OPHN1: variants seen among roughly 807,000 people sequenced by gnomAD.
The protein encoded by OPHN1 is oligophrenin-1.
A neutral mutation model predicts 60.7 loss-of-function variants in OPHN1; 11 were observed. The ratio of observed to expected loss-of-function variants is 0.18; its 90% CI spans 0.11 to 0.30. The LOEUF (loss-of-function observed/expected upper bound fraction) is 0.30. Among genes scored for constraint, OPHN1 ranks in the 10% least tolerant of loss-of-function variants. The probability of loss-of-function intolerance (pLI) is 1.00; values close to 1 mark genes in which losing one functional copy is unlikely to be tolerated. For synonymous variants in OPHN1, 226 were observed against 222.6 expected (o/e 1.02, Z -0.14); for missense variants, 449 against 611.0 (o/e 0.73, Z 2.80).
intron 2 of OPHN1, among the ~76,000 whole-genome samples, chrX:68,321,698 C>A (rs2078236131): frequency 8.9e-6 from 1 of 111,784 alleles, no homozygotes; most frequent in African/African-American, 3.3e-5. Flanking sequence ...GAGGCCAAGG[C>A]AGGTGGATCA....
intron 18 of OPHN1, among the ~76,000 whole-genome samples, chrX:68,104,326 T>C (rs2077072467): frequency 8.9e-6 from 1 of 111,797 alleles, no homozygotes; most frequent in Non-Finnish European, 1.9e-5. Flanking sequence ...TTAAATTTCA[T>C]ATGGAACCAA....
chrX:68,085,069 T>A (rs2076990248), intron 19 of OPHN1, among the ~76,000 whole-genome samples: 1 of 112,346 alleles, frequency 8.9e-6, no homozygotes, highest in Non-Finnish European at 1.9e-5. Context: ...TCCACTTACC[T>A]CTTTTTCTGG....
At chrX:68,130,734 A>G (rs777034557) in intron 15 of OPHN1, among the ~76,000 whole-genome samples, 17 of 111,611 alleles carry the variant, frequency 1.5e-4, no homozygotes, top group Non-Finnish European at 2.8e-4. Context: ...CCCACATAAT[A>G]AAAGACTTAA....
chrX:68,181,888 T>A (rs771605711), intron 15 of OPHN1, among the ~76,000 whole-genome samples: 9 of 112,168 alleles, frequency 8.0e-5, no homozygotes, highest in Non-Finnish European at 1.3e-4. Flanking sequence ...TAGTGTCACT[T>A]TCCACTTACA....
intron 2 of OPHN1, 128 bp downstream of exon 2, chrX:68,432,739 A>G (rs1048367616): frequency 6.8e-6 from 5 of 731,522 alleles, no homozygotes; most frequent in Non-Finnish European, 1.0e-5. Context: ...CAAGTGTGGG[A>G]AACCCATTTG....
chrX:68,304,326 GTTAT>G (rs1231557254), intron 2 of OPHN1, among the ~76,000 whole-genome samples: 93 of 110,664 alleles, frequency 8.4e-4, no homozygotes, highest in Non-Finnish European at 7.6e-5. Flanking sequence ...CCAACACCTG[GTTAT>G]TTATTTATTT....
intron 6 of OPHN1, among the ~76,000 whole-genome samples, chrX:68,217,588 G>A (rs978786508): frequency 2.7e-5 from 3 of 109,472 alleles, no homozygotes; most frequent in Non-Finnish European, 5.7e-5. Flanking sequence ...ATCTGAGAAC[G>A]GGCAGACTGC....
chrX:68,416,113 G>C (rs1317156269), intron 2 of OPHN1, among the ~76,000 whole-genome samples: 2 of 93,048 alleles, frequency 2.1e-5, no homozygotes, highest in Admixed American at 1.2e-4. Context: ...GAGAGAGAGC[G>C]CTCACTGAAA....
chrX:68,057,037 A>G (rs138933737), intron 21 of OPHN1, among the ~76,000 whole-genome samples: 171 of 111,681 alleles, frequency 1.5e-3, no homozygotes, highest in African/African-American at 5.3e-3. Flanking sequence ...ACTGGCCACA[A>G]TCTTGCAAGA....
At chrX:68,151,153 C>T (rs2077283871) in intron 15 of OPHN1, among the ~76,000 whole-genome samples, 1 of 111,751 alleles carries the variant, frequency 8.9e-6, no homozygotes, top group African/African-American at 3.3e-5. Context: ...CAAACTTTTT[C>T]TGTAAAGGGC....
intron 5 of OPHN1, among the ~76,000 whole-genome samples, chrX:68,269,318 T>C (rs1468074640): frequency 6.3e-5 from 7 of 111,473 alleles, no homozygotes; most frequent in Non-Finnish European, 1.3e-4. Flanking sequence ...GGAGGCATCA[T>C]GCTACCTGAC....
In OPHN1 at chrX:68,281,093, C is replaced by T. The variant is rs773098882; in HGVS notation, c.312+1963G>A. On this transcript the variant is annotated intron_variant, in intron 4 of 24. Coordinates refer to ENST00000355520, the MANE Select transcript of OPHN1 (RefSeq NM_002547.3). ...TTAAAAGCAATCCCAGTCAAAATCC[C>T]AGCAAGTTATTTTGTGGATATGAAC... 2.7e-5 allele frequency among the ~76,000 whole-genome samples: 3 copies of T among 111,930 alleles called. No individual in the cohort carries two copies. The South Asian group carries it at 1.1e-3, about 42-fold the overall frequency.
At chrX:68,362,315 A>G (rs899626119) in intron 2 of OPHN1, among the ~76,000 whole-genome samples, 2 of 111,510 alleles carry the variant, frequency 1.8e-5, no homozygotes, top group Non-Finnish European at 3.8e-5. Context: ...GGAATCCTAA[A>G]AAGTCTAACT....
intron 2 of OPHN1, among the ~76,000 whole-genome samples, chrX:68,416,672 G>A (rs2078800933): frequency 8.9e-6 from 1 of 111,841 alleles, no homozygotes; most frequent in Non-Finnish European, 1.9e-5. Flanking sequence ...CTTTCATTAT[G>A]TATGCGGGAA....
At chrX:68,078,958 C>T (rs112707360) in intron 19 of OPHN1, among the ~76,000 whole-genome samples, 1,199 of 108,445 alleles carry the variant, frequency 0.011, 21 homozygotes, top group African/African-American at 0.039. Context: ...TGCACTCCAT[C>T]CTGGACAACA....
chrX:68,122,586 A>G (rs2077154858), intron 15 of OPHN1, among the ~76,000 whole-genome samples: 1 of 111,336 alleles, frequency 9.0e-6, no homozygotes, highest in Admixed American at 9.6e-5. Flanking sequence ...GAAAACTCAA[A>G]TAAATTCAAT....
intron 2 of OPHN1, among the ~76,000 whole-genome samples, chrX:68,320,689 G>GAC (rs2078231258): frequency 9.1e-6 from 1 of 110,408 alleles, no homozygotes; most frequent in Non-Finnish European, 1.9e-5. Flanking sequence ...ATTCAATTAT[G>GAC]ACACTATCTA....
chrX:68,175,818 T>C (rs1285312074), intron 15 of OPHN1, among the ~76,000 whole-genome samples: 1 of 112,108 alleles, frequency 8.9e-6, no homozygotes, highest in African/African-American at 3.2e-5. Context: ...TGGAACATCT[T>C]GTCTTTGACA....
intron 2 of OPHN1, among the ~76,000 whole-genome samples, chrX:68,327,788 T>TAAA (rs1426696978): frequency 2.1e-5 from 1 of 47,056 alleles, no homozygotes; most frequent in Non-Finnish European, 3.5e-5. Context: ...AAATAAAAAA[T>TAAA]AAAAAAAATA....
Sources: allele counts gnomAD v4.1 joint callset (sites outside exome capture counted in the v4.1 genomes callset), GRCh38; gene constraint gnomAD v4.1.1; transcripts MANE v1.5; gene names NCBI Gene and HGNC (gene_info 2026-07-23, HGNC 2026-07-21).